The following TRIM9 variants were observed in gnomAD, a reference collection of about 807,000 sequenced individuals.
The protein encoded by TRIM9 is E3 ubiquitin-protein ligase TRIM9.
TRIM9 carries 26 observed loss-of-function variants against 78.3 expected under a neutral mutation model. The ratio of observed to expected loss-of-function variants is 0.33; its 90% confidence interval spans 0.24 to 0.46. The LOEUF (loss-of-function observed/expected upper bound fraction) is 0.46. Ranked by LOEUF, TRIM9 falls within the 20% of genes least tolerant of loss-of-function variation. The pLI is 1.00. For missense variants in TRIM9, 787 were observed against 1,036.4 expected (o/e 0.76, Z 3.30); for synonymous variants, 398 against 416.5 (o/e 0.96, Z 0.54).
intron 8 of TRIM9, among the ~76,000 whole-genome samples, chr14:50,985,442 A>G (rs1268586220): frequency 1.3e-5 from 2 of 152,190 alleles, no homozygotes; most frequent in African/African-American, 2.4e-5. Flanking sequence ...CCTGCTTTAT[A>G]GGATGCTTTC....
chr14:51,048,035 T>A (rs1489389445), intron 1 of TRIM9, among the ~76,000 whole-genome samples: 1 of 151,984 alleles, frequency 6.6e-6, no homozygotes, highest in African/African-American at 2.4e-5. Context: ...GTAAAAGTAA[T>A]GTTTTTGGCT....
chr14:51,074,062 C>G (rs1298426942), intron 1 of TRIM9, among the ~76,000 whole-genome samples: 2 of 152,054 alleles, frequency 1.3e-5, no homozygotes, highest in African/African-American at 4.8e-5. Flanking sequence ...GCAACAGAGA[C>G]AAAAACAAAA....
intron 1 of TRIM9, among the ~76,000 whole-genome samples, chr14:51,049,582 C>A (rs1307040407): frequency 6.6e-6 from 1 of 152,100 alleles, no homozygotes; most frequent in Non-Finnish European, 1.5e-5. Flanking sequence ...AATCCCAGCA[C>A]TTTGGGAGGC....
chr14:50,996,232 A>G, intron 7 of TRIM9: 1 of 985,408 alleles, frequency 1.0e-6, no homozygotes. Flanking sequence ...TAATTTCTAC[A>G]GTACAGTTTC....
At chr14:51,082,168 CA>C (rs2063358379) in intron 1 of TRIM9, among the ~76,000 whole-genome samples, 1 of 152,218 alleles carries the variant, frequency 6.6e-6, no homozygotes, top group Non-Finnish European at 1.5e-5. Context: ...CTGGTCAAGA[CA>C]CTTCTAACTC....
intron 1 of TRIM9, among the ~76,000 whole-genome samples, chr14:51,084,887 G>A (rs925330571): frequency 3.3e-5 from 5 of 152,146 alleles, no homozygotes; most frequent in Non-Finnish European, 1.5e-5. Context: ...TGGATGAGCT[G>A]GGCTTACAGT....
chr14:51,040,004 C>T (rs563569917), intron 1 of TRIM9, among the ~76,000 whole-genome samples: 1 of 152,206 alleles, frequency 6.6e-6, no homozygotes, highest in Admixed American at 6.5e-5. Context: ...AGGATGGTCT[C>T]GATCTCCTGA....
intron 3 of TRIM9, among the ~76,000 whole-genome samples, chr14:51,021,094 G>T (rs1293998275): frequency 6.6e-6 from 1 of 152,222 alleles, no homozygotes; most frequent in Admixed American, 6.5e-5. Flanking sequence ...TGATTCGAAT[G>T]ATATTTTGAG....
rs544358673 is a variant in TRIM9 at position 51,074,886 on chromosome 14, C to T, written c.822+19232G>A. 2.0e-5 allele frequency among the ~76,000 whole-genome samples: 3 copies of T among 152,300 alleles called. No individual in the cohort carries two copies. In the East Asian group the frequency reaches 5.8e-4, roughly 29 times the overall value. On this transcript the variant is annotated intron_variant, in intron 1 of 12. Coordinates refer to ENST00000684578, the MANE Select transcript of TRIM9 (RefSeq NM_001387360.1). ...GTAAAATGAGGGGAATGAAAGATGCCGCAACTACATGGTTCATCTCCTTTT... is the reference window on the plus strand; with the variant it reads ...GTAAAATGAGGGGAATGAAAGATGCTGCAACTACATGGTTCATCTCCTTTT...
intron 8 of TRIM9, 43 bp downstream of exon 8, chr14:50,985,913 A>G: frequency 4.3e-6 from 6 of 1,400,258 alleles, no homozygotes; most frequent in Non-Finnish European, 5.6e-6. Context: ...GATGCCTTCA[A>G]GGCACAGAGA....
intron 3 of TRIM9, among the ~76,000 whole-genome samples, chr14:51,021,237 A>T (rs766424417): frequency 6.6e-6 from 1 of 152,196 alleles, no homozygotes; most frequent in Non-Finnish European, 1.5e-5. Context: ...GCCTAACCAG[A>T]TGGAACAAGA....
chr14:51,038,535 A>C lies in TRIM9; in HGVS notation c.823-13175T>G, dbSNP rs113474490. Among the ~76,000 whole-genome samples, 476 of 152,294 alleles carry C rather than the reference A, an allele frequency of 3.1e-3. 3 individuals carry two copies. The highest frequency in any genetic ancestry group is 0.023 in the South Asian group (109 of 4,828). ...ATCTCCTGGTCTCCTTTTAAGTTGG[A>C]GAGAGGAAAGCCTTAGAGGAAAGGC... On this transcript the variant is annotated intron_variant, in intron 1 of 12. Transcript: ENST00000684578.
In TRIM9 at chr14:50,998,171, C is replaced by T. The variant is rs767444994; in HGVS notation, c.1482G>A (p.Lys494=). 6.2e-7 allele frequency: 1 copy of T among 1,614,162 alleles called. No individual in the cohort carries two copies. The highest frequency in any genetic ancestry group is 8.5e-7 in the Non-Finnish European group (1 of 1,180,022). Residue 494 remains lysine (K), a synonymous_variant, in exon 7 of 13, where the codon AAG becomes AAA. Transcript: ENST00000684578. ...GACCATCCACAGTGCACATTGTCTC[C>T]TTCCCCACATACACCTCCTGAGAGT... is the stretch of plus-strand genomic sequence containing the variant. ...GGQFREVYVG[K]ETMCTVDGLH...
chr14:51,054,607 G>A (rs766646794), intron 1 of TRIM9, among the ~76,000 whole-genome samples: 1 of 151,610 alleles, frequency 6.6e-6, no homozygotes, highest in Non-Finnish European at 1.5e-5. Flanking sequence ...TTTAGAAGGA[G>A]TTTCGCTCTG....
At chr14:50,997,633 A>C in intron 7 of TRIM9, 1 of 1,030,144 alleles carries the variant, frequency 9.7e-7, no homozygotes, top group Non-Finnish European at 1.2e-6. Flanking sequence ...TCCCACCCTC[A>C]GAACAAGCAA....
chr14:51,053,762 C>A (rs1205106709), intron 1 of TRIM9, among the ~76,000 whole-genome samples: 1 of 148,826 alleles, frequency 6.7e-6, no homozygotes, highest in Non-Finnish European at 1.5e-5. Flanking sequence ...CCGACCCCAC[C>A]ACAGTCCCCA....
intron 3 of TRIM9, among the ~76,000 whole-genome samples, chr14:51,018,316 T>A (rs2057413421): frequency 6.6e-6 from 1 of 151,842 alleles, no homozygotes; most frequent in Non-Finnish European, 1.5e-5. Flanking sequence ...CCTCCCTCCC[T>A]TTTTTCTTTC....
intron 1 of TRIM9, among the ~76,000 whole-genome samples, chr14:51,052,915 G>A (rs1190527018): frequency 6.6e-6 from 1 of 152,110 alleles, no homozygotes; most frequent in African/African-American, 2.4e-5. Context: ...CCAACATTTT[G>A]GGAGGCTGCG....
At chr14:50,996,519 AAC>A (rs2054226346) in intron 7 of TRIM9, 6 of 985,332 alleles carry the variant, frequency 6.1e-6, no homozygotes, top group Non-Finnish European at 7.2e-6. Context: ...CAGATCTGAT[AAC>A]ACATATTAGC....
Sources: gnomAD v4.1 joint callset for allele counts (sites outside exome capture counted in the v4.1 genomes callset) on GRCh38, gnomAD v4.1.1 for gene constraint, MANE v1.5 for transcripts, NCBI Gene and HGNC (gene_info 2026-07-23, HGNC 2026-07-21) for gene names.